Variants in TMED8 observed in about 807,000 individuals in gnomAD.
TMED8 encodes the protein protein TMED8.
Under a neutral mutation model 32.7 loss-of-function variants are expected in TMED8, and 15 were observed. The ratio of observed to expected loss-of-function variants is 0.46; its 90% CI spans 0.31 to 0.71. TMED8 has a LOEUF of 0.71. Among genes scored for constraint, TMED8 ranks in the 30% least tolerant of loss-of-function variants. The pLI, the probability that TMED8 is intolerant of heterozygous loss-of-function variation, is 0.06. For missense variants in TMED8, 390 were observed against 423.9 expected (o/e 0.92, Z 0.70); for synonymous variants, 147 against 161.4 (o/e 0.91, Z 0.68).
intron 2 of TMED8, among the ~76,000 whole-genome samples, chr14:77,351,296 C>G (rs1450873076): frequency 2.7e-5 from 4 of 150,634 alleles, no homozygotes; most frequent in Non-Finnish European, 5.9e-5. Flanking sequence ...ACCAGCCTGT[C>G]CAATATGATG....
intron 3 of TMED8, among the ~76,000 whole-genome samples, chr14:77,344,544 C>A (rs989372303): frequency 6.6e-6 from 1 of 152,204 alleles, no homozygotes; most frequent in Non-Finnish European, 1.5e-5. Context: ...CTAACCCATG[C>A]GGGAGCTTAC....
chr14:77,375,620 G>A (rs1234734230), intron 1 of TMED8, among the ~76,000 whole-genome samples: 1 of 152,164 alleles, frequency 6.6e-6, no homozygotes, highest in African/African-American at 2.4e-5. Flanking sequence ...TAAAGTAAAA[G>A]AATATAAAAT....
Position 77,372,934 on chromosome 14 carries a change from ATATATATATATATATATATTTTTTTTT to A in TMED8, c.118+3975_118+4001del, listed in dbSNP as rs1199070663. ...TATATATATATATATATATATATAT[ATATATATATATATATATATTTTTTTTT>A]TTTTTTTTTTTTTTTTTTTTTTGAG... On this transcript the variant is annotated intron_variant, in intron 1 of 5. Transcript: ENST00000216468. Among the ~76,000 whole-genome samples, 24 of 30,438 alleles carry A rather than the reference ATATATATATATATATATATTTTTTTTT, an allele frequency of 7.9e-4. 1 individual carries two copies. The highest frequency in any genetic ancestry group is 5.3e-3 in the African/African-American group (24 of 4,562). 20.0% of individuals were successfully genotyped at this position (30,438 alleles called of 152,430 possible).
At chr14:77,362,194 CT>C (rs112330429) in intron 1 of TMED8, among the ~76,000 whole-genome samples, 2,517 of 147,586 alleles carry the variant, frequency 0.017, 59 homozygotes, top group African/African-American at 0.059. Context: ...AATTGTATGC[CT>C]TTTTTTTTTC....
chr14:77,377,045 G>C lies in TMED8; in HGVS notation c.9C>G (p.Asp3Glu), dbSNP rs1433616181. MS[D>E]LQAAEGPGSW... Reference sequence around the variant, plus strand: ...AGCCCGGCCCCTCAGCCGCCTGCAGGTCAGACATCTGCAGCCCGCGCACGG... The same window carrying C: ...AGCCCGGCCCCTCAGCCGCCTGCAGCTCAGACATCTGCAGCCCGCGCACGG... The change falls in exon 1 of 6, where the codon GAC becomes GAG. Residue 3 changes from aspartate to glutamate, a missense_variant. Transcript: ENST00000216468. 4 of 1,375,812 alleles carry C rather than the reference G, an allele frequency of 2.9e-6. No homozygotes were observed. Among genetic ancestry groups the C allele is most frequent in the Non-Finnish European group, 3.7e-6 (4 of 1,073,404 alleles). The allele number at this position is 1,375,812 out of a possible 1,614,324, so 85.2% of individuals were successfully genotyped here.
intron 2 of TMED8, among the ~76,000 whole-genome samples, 165 bp downstream of exon 2, chr14:77,351,508 G>A (rs539568789): frequency 3.8e-5 from 5 of 131,022 alleles, no homozygotes; most frequent in East Asian, 2.6e-4. Flanking sequence ...TGATCCACCC[G>A]CCTTGGCCTC....
At chr14:77,371,519 T>C (rs910414091) in intron 1 of TMED8, among the ~76,000 whole-genome samples, 2 of 152,234 alleles carry the variant, frequency 1.3e-5, no homozygotes, top group African/African-American at 4.8e-5. Flanking sequence ...TTTAAAGGAA[T>C]GCCCTAAATT....
chr14:77,354,128 G>A (rs977731914), intron 1 of TMED8, among the ~76,000 whole-genome samples: 1 of 152,144 alleles, frequency 6.6e-6, no homozygotes, highest in Non-Finnish European at 1.5e-5. Flanking sequence ...TTAAAGAAAG[G>A]AGCCAAAATG....
At chr14:77,344,941 GC>G (rs1300301563) in intron 3 of TMED8, among the ~76,000 whole-genome samples, 1 of 152,138 alleles carries the variant, frequency 6.6e-6, no homozygotes, top group East Asian at 1.9e-4. Context: ...TAGCTACATA[GC>G]CTTAGTAAAG....
At chr14:77,364,339 C>G (rs546661147) in intron 1 of TMED8, among the ~76,000 whole-genome samples, 1 of 152,044 alleles carries the variant, frequency 6.6e-6, no homozygotes, top group Non-Finnish European at 1.5e-5. Context: ...CAGCCTTAAC[C>G]TCTCGAGTAG....
At chr14:77,357,850 A>G (rs1893326853) in intron 1 of TMED8, among the ~76,000 whole-genome samples, 1 of 152,166 alleles carries the variant, frequency 6.6e-6, no homozygotes, top group Non-Finnish European at 1.5e-5. Context: ...AAGGCTGGGC[A>G]TGGTAGCTCA....
At position 77,344,970 on chromosome 14, in the gene TMED8, C is replaced by A. The variant is rs537056479; in HGVS notation, c.328-1147G>T. On this transcript the variant is annotated intron_variant, in intron 3 of 5. Coordinates refer to ENST00000216468, the MANE Select transcript of TMED8 (RefSeq NM_213601.3). ...TAGTAAAGTCTCTAACAGCCCTCAG[C>A]CTCAGTTTCCTCATTTCTTTCTTTC... Among the ~76,000 whole-genome samples the A allele has an allele frequency of 9.2e-5, 14 of 152,210 alleles. No homozygotes were observed. The South Asian group carries it at 2.7e-3, about 29-fold the overall frequency.
rs1892896284 is a variant in TMED8, at chr14:77,341,456, G to T, written c.*315C>A. 5.5e-6 allele frequency: 2 copies of T among 365,372 alleles called. No individual in the cohort carries two copies. Among genetic ancestry groups the T allele is most frequent in the East Asian group, 6.3e-5 (1 of 15,936 alleles). 22.6% of individuals were successfully genotyped at this position (365,372 alleles called of 1,614,324 possible). A position where few individuals can be genotyped will look rare whatever the true frequency, so the allele number is the denominator to read the frequency against. ...CTGAATGATAAACCTGTGCCAAGAT[G>T]AATCTATTTTTAAAAAACATCGCCC... On this transcript the variant is annotated 3_prime_UTR_variant, in exon 6 of 6. Coordinates refer to ENST00000216468, the MANE Select transcript of TMED8 (RefSeq NM_213601.3).
rs1892896380 is a variant in TMED8, at chr14:77,341,462, A to G, written c.*309T>C. On this transcript the variant is annotated 3_prime_UTR_variant, in exon 6 of 6. Coordinates refer to ENST00000216468, the MANE Select transcript of TMED8 (RefSeq NM_213601.3). ...GATAAACCTGTGCCAAGATGAATCT[A>G]TTTTTAAAAAACATCGCCCTGCTTC... 5.3e-6 allele frequency: 2 copies of G among 375,164 alleles called. No individual in the cohort carries two copies. Among genetic ancestry groups the G allele is most frequent in the African/African-American group, 4.1e-5 (2 of 48,238 alleles). The allele number at this position is 375,164 out of a possible 1,614,324, so 23.2% of individuals were successfully genotyped here.
intron 1 of TMED8, among the ~76,000 whole-genome samples, chr14:77,367,874 A>G (rs534711045): frequency 1.3e-5 from 2 of 152,238 alleles, no homozygotes; most frequent in East Asian, 3.9e-4. Flanking sequence ...TTGTATTTTT[A>G]GTAGAGACGG....
intron 2 of TMED8, among the ~76,000 whole-genome samples, chr14:77,347,592 G>A (rs1893080311): frequency 2.0e-5 from 3 of 152,202 alleles, no homozygotes. Flanking sequence ...AGTAGAGACA[G>A]TGTTTCTCCA....
chr14:77,357,058 C>T (rs1175776921), intron 1 of TMED8, among the ~76,000 whole-genome samples: 1 of 152,206 alleles, frequency 6.6e-6, no homozygotes, highest in East Asian at 1.9e-4. Context: ...CCCATCTCAA[C>T]TAGCCACATT....
At position 77,376,009 on chromosome 14, in the gene TMED8, T is replaced by A. The variant is rs1271851792; in HGVS notation, c.118+927A>T. On this transcript the variant is annotated intron_variant, in intron 1 of 5. Coordinates refer to ENST00000216468, the MANE Select transcript of TMED8 (RefSeq NM_213601.3). This position sits in a 1 kb window ranked among gnomAD's most constrained non-coding sequence, Gnocchi z 4.0. Reference sequence around the variant, plus strand: ...GCCTCAACCATTATACTTTATGGTGTCTATTTTAATTTCAGACCTAGAAAA... The same window carrying A: ...GCCTCAACCATTATACTTTATGGTGACTATTTTAATTTCAGACCTAGAAAA... Among the ~76,000 whole-genome samples the A allele has an allele frequency of 6.6e-6, 1 of 152,254 alleles. No homozygotes were observed. The highest frequency in any genetic ancestry group is 2.4e-5 in the African/African-American group (1 of 41,470).
intron 2 of TMED8, among the ~76,000 whole-genome samples, chr14:77,349,106 CTTTTTTTT>C (rs33964835): frequency 1.1e-5 from 1 of 91,974 alleles, no homozygotes; most frequent in African/African-American, 4.6e-5. Context: ...CTCTAAGGCC[CTTTTTTTT>C]TTTTTTTTTT....
Sources: gnomAD v4.1 joint callset for allele counts (sites outside exome capture counted in the v4.1 genomes callset) on GRCh38, gnomAD v4.1.1 for gene constraint, Gnocchi (gnomAD v3.1) non-coding constraint, MANE v1.5 for transcripts, NCBI Gene and HGNC (gene_info 2026-07-23, HGNC 2026-07-21) for gene names.